Variants in MAGEB16 observed in about 807,000 individuals in gnomAD.
MAGEB16 encodes the protein MAGE family member B16.
For missense variants in MAGEB16, 217 were observed against 234.0 expected (o/e 0.93, Z 0.47); for synonymous variants, 95 against 92.1 (o/e 1.03, Z -0.18).
At chrX:35,803,322 G>T in exon 2 of MAGEB16, 1 of 530,644 alleles carries the variant, frequency 1.9e-6, no homozygotes, top group Non-Finnish European at 2.9e-6. Context: ...GGGTGGGGCT[G>T]GAGGAAAAAT....
exon 2 of MAGEB16, chrX:35,802,581 C>G (rs1297340140): frequency 8.3e-7 from 1 of 1,209,745 alleles, no homozygotes; most frequent in Non-Finnish European, 1.1e-6. Flanking sequence ...GCACAAGTGT[C>G]AGATGAAAAA....
At position 35,803,038 on chromosome X, in the gene MAGEB16, C is replaced by CCAAAG; in HGVS notation, c.844_848dup (p.Glu284LysfsTer7). ...TATGAATTCCTGTGGGGCCCAAGAG[C>CCAAAG]CAAAGCTGAAACCAGCAAGATGAAA... On this transcript the variant is annotated frameshift_variant, in exon 2 of 2. Transcript: ENST00000399988. LOFTEE classifies it low-confidence loss of function (END_TRUNC). The CCAAAG allele has an allele frequency of 8.3e-7, 1 of 1,211,948 alleles. No individual in the cohort carries two copies. The highest frequency in any genetic ancestry group is 3.0e-5 in the East Asian group (1 of 33,829).
chrX:35,799,304 C>G (rs1934842692), intron 1 of MAGEB16, among the ~76,000 whole-genome samples: 1 of 111,033 alleles, frequency 9.0e-6, no homozygotes, highest in Non-Finnish European at 1.9e-5. Flanking sequence ...GTGGGTATCT[C>G]ATAGAGATGA....
exon 2 of MAGEB16, chrX:35,802,387 T>A: frequency 8.3e-7 from 1 of 1,207,587 alleles, no homozygotes. Context: ...CCTCTTGAGG[T>A]TCCTCAGAGT....
rs772775857 is a variant in MAGEB16, at chrX:35,799,084, G to A, written c.-67+666G>A. ...TTTTTAGTAGAGACGGGGTTTCACC[G>A]TTTTAGCCAGGATGGTCTCGATCTC... On this transcript the variant is annotated intron_variant, in intron 1 of 1. Coordinates refer to ENST00000399988, the Ensembl canonical transcript of MAGEB16. Among the ~76,000 whole-genome samples the A allele has an allele frequency of 2.6e-4, 26 of 101,349 alleles. 1 individual carries two copies. Among genetic ancestry groups the A allele is most frequent in the Admixed American group, 9.8e-4 (9 of 9,200 alleles). 88.0% of individuals were successfully genotyped at this position (101,349 alleles called of 115,157 possible).
At chrX:35,800,275 G>C (rs1047724154) in intron 1 of MAGEB16, among the ~76,000 whole-genome samples, 6 of 111,358 alleles carry the variant, frequency 5.4e-5, no homozygotes, top group African/African-American at 9.8e-5. Context: ...GCTCCACTCT[G>C]CCTCTGAGTT....
Sources: gnomAD v4.1 joint callset for allele counts (sites outside exome capture counted in the v4.1 genomes callset) on GRCh38, gnomAD v4.1.1 for gene constraint, MANE v1.5 for transcripts, NCBI Gene and HGNC (gene_info 2026-07-23, HGNC 2026-07-21) for gene names.